The following FAM53A variants were observed in gnomAD, a reference collection of about 807,000 sequenced individuals.
FAM53A encodes protein FAM53A.
A neutral mutation model predicts 26.6 loss-of-function variants in FAM53A; 28 were observed. The ratio of observed to expected loss-of-function variants is 1.05; its 90% confidence interval spans 0.78 to 1.45. FAM53A has a LOEUF of 1.45. Among genes scored for constraint, FAM53A ranks in the 40% most tolerant of loss-of-function variants. FAM53A has a pLI of 0.00. For synonymous variants in FAM53A, 290 were observed against 253.1 expected, an observed-to-expected ratio of 1.15 and a Z score of -1.38; for missense variants, 650 against 575.8, an observed-to-expected ratio of 1.13 and a Z score of -1.32.
At chr4:1,594,650 C>G in the FAM53A span, among the ~76,000 whole-genome samples, 2 of 152,166 alleles carry the variant, frequency 1.3e-5, no homozygotes, top group Admixed American at 1.3e-4. Flanking sequence ...GGAGAACAGC[C>G]TGGGCAACAT....
intron 1 of FAM53A, among the ~76,000 whole-genome samples, chr4:1,624,308 C>G (rs1321374603): frequency 6.6e-6 from 1 of 152,176 alleles, no homozygotes; most frequent in African/African-American, 2.4e-5. Flanking sequence ...ACCAGGGATG[C>G]CCCCAGGTCA....
chr4:1,680,883 A>G (rs1219481454), intron 1 of FAM53A, among the ~76,000 whole-genome samples: 2 of 152,210 alleles, frequency 1.3e-5, no homozygotes, highest in Non-Finnish European at 2.9e-5. Context: ...ATTATTCTGC[A>G]TGATACTATA....
chr4:1,617,949 A>T, exon 2 of FAM53A: 1 of 431,198 alleles, frequency 2.3e-6, no homozygotes, highest in South Asian at 1.6e-5. Context: ...CCAAGAGAGA[A>T]GTCGCTGCGA....
intron 4 of FAM53A, among the ~76,000 whole-genome samples, chr4:1,651,405 G>A (rs1712769383): frequency 6.7e-6 from 1 of 150,364 alleles, no homozygotes; most frequent in Non-Finnish European, 1.5e-5. Context: ...GGTGGTGCAT[G>A]CCTGCAACCC....
chr4:1,668,202 C>A (rs912856314), intron 2 of FAM53A, among the ~76,000 whole-genome samples: 1 of 151,320 alleles, frequency 6.6e-6, no homozygotes, highest in Non-Finnish European at 1.5e-5. Flanking sequence ...TGCAGTGGAG[C>A]GATCTCGGCT....
In FAM53A at chr4:1,626,076, G is replaced by C. The variant is rs558160535; in HGVS notation, c.432-7965C>G. 2.6e-5 allele frequency among the ~76,000 whole-genome samples: 4 copies of C among 152,302 alleles called. No individual in the cohort carries two copies. In the South Asian group the frequency reaches 8.3e-4, roughly 32 times the overall value. ...TGCCTGCCAGGGTGCAGGGGAAGTG[G>C]TGTGAGCCCCTGCCGTCCTTCTGGG... On this transcript the variant is annotated intron_variant, in intron 1 of 1. Coordinates refer to the FAM53A transcript ENST00000489029.
At chr4:1,658,305 C>T (rs1713566824) in intron 2 of FAM53A, among the ~76,000 whole-genome samples, 1 of 152,236 alleles carries the variant, frequency 6.6e-6, no homozygotes, top group Non-Finnish European at 1.5e-5. Flanking sequence ...CAGGTGTGAG[C>T]CACCACGCCC....
At chr4:1,636,763 G>A (rs77910248), downstream of FAM53A, among the ~76,000 whole-genome samples, 112 of 152,366 alleles carry the variant, frequency 7.4e-4, no homozygotes, top group South Asian at 2.3e-3. Flanking sequence ...CCGCGTCTGC[G>A]TCTGCCAGAC....
chr4:1,591,009 C>G, the FAM53A span, among the ~76,000 whole-genome samples: 1 of 85,844 alleles, frequency 1.2e-5, no homozygotes, highest in East Asian at 3.6e-4. Flanking sequence ...TATAATCATT[C>G]TATGTTCTTG....
rs1399001669 is a variant in FAM53A, at chr4:1,645,595, C to T, written c.883-3988G>A. ...GAAGGAGGGGACTCTCCGCCCTGAC[C>T]GTGCAGCCACTGATGGCACCGGCTC... On this transcript the variant is annotated intron_variant, in intron 4 of 4. Coordinates refer to ENST00000308132, the MANE Select transcript of FAM53A (RefSeq NM_001174070.3). Among the ~76,000 whole-genome samples, 6 of 152,202 alleles carry T rather than the reference C, an allele frequency of 3.9e-5. No homozygotes were observed. The East Asian group carries it at 1.2e-3, about 29-fold the overall frequency.
rs182171069 is a variant in FAM53A, at chr4:1,668,886, G to A, written c.-145C>T. On this transcript the variant is annotated 5_prime_UTR_variant, in exon 2 of 5. Coordinates refer to ENST00000308132, the MANE Select transcript of FAM53A (RefSeq NM_001174070.3). ...TTACAGATGAGCAGTCCACGCCCACGGGCTCTTCAGGATTTGTGCCTGTTT... is the reference window on the plus strand; with the variant it reads ...TTACAGATGAGCAGTCCACGCCCACAGGCTCTTCAGGATTTGTGCCTGTTT... 221 of 632,756 alleles carry A rather than the reference G, an allele frequency of 3.5e-4. No individual in the cohort carries two copies. The African/African-American group carries it at 3.7e-3, about 10-fold the overall frequency. 39.2% of individuals were successfully genotyped at this position (632,756 alleles called of 1,614,324 possible).
downstream of FAM53A, among the ~76,000 whole-genome samples, chr4:1,636,431 C>T (rs976639253): frequency 2.6e-5 from 4 of 152,162 alleles, no homozygotes; most frequent in Non-Finnish European, 5.9e-5. Context: ...CTGGGTTTTG[C>T]GGCAGTGCAT....
chr4:1,590,955 CATAT>C, the FAM53A span, among the ~76,000 whole-genome samples: 1,410 of 45,808 alleles, frequency 0.031, 26 homozygotes, highest in Middle Eastern at 0.21. Context: ...TTATTTAATG[CATAT>C]ATATATATAT....
the FAM53A span, among the ~76,000 whole-genome samples, chr4:1,583,585 T>C: frequency 6.6e-6 from 1 of 152,228 alleles, no homozygotes; most frequent in African/African-American, 2.4e-5. Flanking sequence ...GCACAGCAAG[T>C]GTGCACAACC....
chr4:1,620,441 G>A (rs573605651), intron 1 of FAM53A, among the ~76,000 whole-genome samples: 1 of 151,764 alleles, frequency 6.6e-6, no homozygotes, highest in African/African-American at 2.4e-5. Context: ...TTTGGTTCCT[G>A]CCACAGTCAG....
chr4:1,641,674 A>T, intron 4 of FAM53A, 67 bp from the exon 5 acceptor site: 1 of 1,541,034 alleles, frequency 6.5e-7, no homozygotes, highest in Non-Finnish European at 8.9e-7. Context: ...CATCCCACCA[A>T]CCCATCGAGG....
Position 1,633,956 on chromosome 4 carries a change from C to T in FAM53A, c.432-15845G>A, listed in dbSNP as rs112387236. Among the ~76,000 whole-genome samples the T allele has an allele frequency of 4.0e-3, 615 of 152,280 alleles. 3 individuals are homozygous for T. Among genetic ancestry groups the T allele is most frequent in the Non-Finnish European group, 6.1e-3 (415 of 68,024 alleles). ...TGTTCAGCACCAACGCAGAACCCAC[C>T]ATTCAGGGCAATGAGGCTGTGGCTG... On this transcript the variant is annotated intron_variant, in intron 1 of 1. Coordinates refer to the FAM53A transcript ENST00000489029.
chr4:1,615,522 GCCACGC>G, downstream of FAM53A, among the ~76,000 whole-genome samples: 2 of 144,806 alleles, frequency 1.4e-5, no homozygotes, highest in African/African-American at 5.3e-5. Context: ...ACAGGATGTG[GCCACGC>G]CCATCCCACC....
At chr4:1,641,652 C>T (rs1711735369) in intron 4 of FAM53A, 45 bp from the exon 5 acceptor site, 3 of 1,599,688 alleles carry the variant, frequency 1.9e-6, no homozygotes, top group African/African-American at 1.3e-5. Context: ...TAGCAGATCA[C>T]ACAGGAGGCA....
Sources: allele counts gnomAD v4.1 joint callset (sites outside exome capture counted in the v4.1 genomes callset), GRCh38; gene constraint gnomAD v4.1.1; transcripts MANE v1.5; gene names NCBI Gene and HGNC (gene_info 2026-07-23, HGNC 2026-07-21).